Variants in WWOX observed in about 807,000 individuals in gnomAD.
The protein encoded by WWOX is WW domain-containing oxidoreductase.
Under a neutral mutation model 46.2 loss-of-function variants are expected in WWOX, and 69 were observed. The ratio of observed to expected loss-of-function variants is 1.49; its 90% confidence interval spans 1.23 to 1.82. The LOEUF (loss-of-function observed/expected upper bound fraction) is 1.82, where lower values mean the gene tolerates loss of function less well. Among genes scored for constraint, WWOX ranks in the 40% most tolerant of loss-of-function variants. The pLI is 0.00. For synonymous variants in WWOX, 359 were observed against 202.6 expected (o/e 1.77, Z -6.56); for missense variants, 919 against 542.6 (o/e 1.69, Z -6.89).
chr16:78,646,936 G>A (rs185887219), intron 8 of WWOX, among the ~76,000 whole-genome samples: 1 of 152,142 alleles, frequency 6.6e-6, no homozygotes, highest in African/African-American at 2.4e-5. Context: ...TGGGTTGGAG[G>A]GGGGATGCCT....
chr16:78,467,116 G>T (rs1470051190), intron 8 of WWOX, among the ~76,000 whole-genome samples: 1 of 152,156 alleles, frequency 6.6e-6, no homozygotes, highest in Non-Finnish European at 1.5e-5. Flanking sequence ...GTGCATTATA[G>T]TCTTTGATCT....
intron 8 of WWOX, among the ~76,000 whole-genome samples, chr16:78,606,424 T>C (rs1246666505): frequency 6.6e-6 from 1 of 152,080 alleles, no homozygotes; most frequent in Admixed American, 6.6e-5. Flanking sequence ...GCTACATGCT[T>C]TTCAGAAGTT....
At chr16:78,720,548 A>C (rs767594610) in intron 8 of WWOX, among the ~76,000 whole-genome samples, 49 of 151,644 alleles carry the variant, frequency 3.2e-4, no homozygotes, top group Non-Finnish European at 2.2e-4. Context: ...ATTTTATATC[A>C]TAATGTGTCT....
chr16:78,835,006 T>C (rs2051938824), intron 8 of WWOX, among the ~76,000 whole-genome samples: 1 of 152,220 alleles, frequency 6.6e-6, no homozygotes, highest in African/African-American at 2.4e-5. Context: ...TCCAGTCTTC[T>C]TTTTTGTTCA....
At chr16:78,699,066 T>TA (rs2048158735) in intron 8 of WWOX, among the ~76,000 whole-genome samples, 1 of 152,218 alleles carries the variant, frequency 6.6e-6, no homozygotes, top group South Asian at 2.1e-4. Flanking sequence ...TGGTGTGTGT[T>TA]ACAACTGTTC....
intron 6 of WWOX, among the ~76,000 whole-genome samples, chr16:78,419,858 C>G (rs2082882110): frequency 6.6e-6 from 1 of 151,812 alleles, no homozygotes; most frequent in African/African-American, 2.4e-5. Flanking sequence ...GTACAGATGA[C>G]CTACAGAATG....
At chr16:78,411,307 T>G (rs2082675494) in intron 6 of WWOX, among the ~76,000 whole-genome samples, 1 of 152,160 alleles carries the variant, frequency 6.6e-6, no homozygotes, top group Admixed American at 6.5e-5. Context: ...TAATGTTGAG[T>G]AATATGCCAT....
intron 8 of WWOX, chr16:78,825,891 A>G: frequency 1.4e-6 from 1 of 690,056 alleles, no homozygotes; most frequent in Non-Finnish European, 2.6e-6. Context: ...CCTCTGCCTG[A>G]CCACGTGAGC....
At chr16:78,893,723 TC>T (rs1184597869) in intron 8 of WWOX, among the ~76,000 whole-genome samples, 1 of 152,160 alleles carries the variant, frequency 6.6e-6, no homozygotes, top group Non-Finnish European at 1.5e-5. Context: ...CTCATTAGCT[TC>T]CCCTTGTTCC....
chr16:78,329,103 C>T (rs563656024), intron 5 of WWOX, among the ~76,000 whole-genome samples: 1 of 152,154 alleles, frequency 6.6e-6, no homozygotes, highest in South Asian at 2.1e-4. Flanking sequence ...TCACATGATT[C>T]ACCAACCTTG....
intron 8 of WWOX, among the ~76,000 whole-genome samples, chr16:78,705,688 A>G (rs1487484744): frequency 2.0e-5 from 3 of 152,116 alleles, no homozygotes; most frequent in Non-Finnish European, 2.9e-5. Flanking sequence ...TTATTTATTT[A>G]TTTATTTGCT....
At chr16:78,354,720 C>G (rs997055718) in intron 5 of WWOX, among the ~76,000 whole-genome samples, 3 of 144,996 alleles carry the variant, frequency 2.1e-5, no homozygotes, top group African/African-American at 7.7e-5. Context: ...TTTTGTTTGT[C>G]ATTATGTTCT....
At chr16:78,927,268 A>C (rs930994534) in intron 8 of WWOX, among the ~76,000 whole-genome samples, 5 of 152,172 alleles carry the variant, frequency 3.3e-5, no homozygotes, top group African/African-American at 1.2e-4. Flanking sequence ...AGCTTCAGGG[A>C]AAGAACATGA....
At chr16:78,770,458 C>T (rs2142517272) in intron 8 of WWOX, among the ~76,000 whole-genome samples, 1 of 152,298 alleles carries the variant, frequency 6.6e-6, no homozygotes, top group African/African-American at 2.4e-5. Context: ...AATCTGGGGT[C>T]CCCACGGGCC....
At chr16:78,527,820 G>T (rs891075125) in intron 8 of WWOX, among the ~76,000 whole-genome samples, 1 of 151,494 alleles carries the variant, frequency 6.6e-6, no homozygotes, top group Non-Finnish European at 1.5e-5. Context: ...TAGAGGATAG[G>T]GGGGAAAAGG....
intron 8 of WWOX, among the ~76,000 whole-genome samples, chr16:78,768,977 G>A (rs2049994366): frequency 6.6e-6 from 1 of 152,192 alleles, no homozygotes; most frequent in Non-Finnish European, 1.5e-5. Flanking sequence ...CCAAGCACCA[G>A]AAGGTGTGGT....
chr16:79,128,609 G>A (rs1256386927), intron 8 of WWOX, among the ~76,000 whole-genome samples: 2 of 152,112 alleles, frequency 1.3e-5, no homozygotes, highest in Non-Finnish European at 2.9e-5. Context: ...CAAATGCAGT[G>A]GCACAGAAGG....
chr16:79,063,685 C>G (rs1234946836), intron 8 of WWOX, among the ~76,000 whole-genome samples: 1 of 152,114 alleles, frequency 6.6e-6, no homozygotes, highest in Non-Finnish European at 1.5e-5. Context: ...GATTGACGTG[C>G]CAGCACCTCA....
At position 78,969,988 on chromosome 16, in the gene WWOX, A is replaced by G. The variant is rs539560977; in HGVS notation, c.1057-241620A>G. Among the ~76,000 whole-genome samples, 4 of 152,326 alleles carry G rather than the reference A, an allele frequency of 2.6e-5. No homozygotes were observed. The South Asian group carries it at 8.3e-4, about 32-fold the overall frequency. On this transcript the variant is annotated intron_variant, in intron 8 of 8. Transcript: ENST00000566780. The stretch of plus-strand genomic sequence containing the variant: ...AACTTTGAACACTTTAAATGGGTGA[A>G]TTGTATGGTATATGAATCATATCTC...
Sources: allele counts gnomAD v4.1 joint callset (sites outside exome capture counted in the v4.1 genomes callset), GRCh38; gene constraint gnomAD v4.1.1; transcripts MANE v1.5; gene names NCBI Gene and HGNC (gene_info 2026-07-23, HGNC 2026-07-21).